Variants in PANK2 observed in about 807,000 individuals in gnomAD.
The protein encoded by PANK2 is pantothenate kinase 2, mitochondrial.
In PANK2, 36 loss-of-function variants were observed where a neutral mutation model predicts 43.1. The ratio of observed to expected loss-of-function variants is 0.84; its 90% confidence interval spans 0.64 to 1.10. The LOEUF (loss-of-function observed/expected upper bound fraction) is 1.10, where lower values mean the gene tolerates loss of function less well. Among genes scored for constraint, PANK2 ranks in the 50% least tolerant of loss-of-function variants. PANK2 has a pLI of 0.00. For synonymous variants in PANK2, 281 were observed against 238.2 expected (o/e 1.18, Z -1.66); for missense variants, 576 against 593.3 (o/e 0.97, Z 0.30).
chr20:3,922,146 C>T (rs1476406875), intron 6 of PANK2, among the ~76,000 whole-genome samples: 1 of 152,202 alleles, frequency 6.6e-6, no homozygotes, highest in East Asian at 1.9e-4. Flanking sequence ...TTTAAAAAAT[C>T]CATACACAAG....
chr20:3,889,236 G>T, upstream of PANK2: 4 of 1,613,276 alleles, frequency 2.5e-6, no homozygotes, highest in Non-Finnish European at 3.4e-6. Flanking sequence ...GCCCCGTCAC[G>T]ATAGCCTCTC....
At chr20:3,894,866 G>C (rs1206815240) in intron 1 of PANK2, among the ~76,000 whole-genome samples, 2 of 152,194 alleles carry the variant, frequency 1.3e-5, no homozygotes, top group Non-Finnish European at 2.9e-5. Flanking sequence ...AAATGGTACA[G>C]TATATTACTT....
At chr20:3,902,300 G>A (rs1331020255) in intron 1 of PANK2, among the ~76,000 whole-genome samples, 1 of 151,558 alleles carries the variant, frequency 6.6e-6, no homozygotes, top group Non-Finnish European at 1.5e-5. Context: ...TCAAGTAGCT[G>A]TGACTACAGG....
chr20:3,923,159 T>G, intron 6 of PANK2, 85 bp from the exon 7 acceptor site: 1 of 1,477,026 alleles, frequency 6.8e-7, no homozygotes, highest in Non-Finnish European at 9.5e-7. Context: ...GGGCAGTGGT[T>G]GGCTTTAACA....
intron 3 of PANK2, among the ~76,000 whole-genome samples, chr20:3,911,838 C>G (rs192836396): frequency 3.6e-4 from 55 of 151,732 alleles, no homozygotes; most frequent in Middle Eastern, 3.4e-3. Context: ...TGCGGTGAGC[C>G]GAGATCGTGC....
intron 1 of PANK2, among the ~76,000 whole-genome samples, chr20:3,905,346 ATC>A (rs1057086543): frequency 3.5e-5 from 5 of 144,012 alleles, no homozygotes; most frequent in South Asian, 2.2e-4. Flanking sequence ...TGCTGCTGCT[ATC>A]TCTTTTTTTT....
Position 3,889,443 on chromosome 20 carries a change from C to G in PANK2, c.13C>G (p.Leu5Val). The G allele has an allele frequency of 1.9e-6, 3 of 1,555,696 alleles. No individual in the cohort carries two copies. Among genetic ancestry groups the G allele is most frequent in the Middle Eastern group, 3.4e-4 (2 of 5,916 alleles). Reference sequence around the variant, plus strand: ...AAGGAATCCGACGCTGGGGGGCTTGCTCGGGCGGCAGCGACTGCTGCTGCG... The same window carrying G: ...AAGGAATCCGACGCTGGGGGGCTTGGTCGGGCGGCAGCGACTGCTGCTGCG... The change falls in exon 1 of 7, where the codon CTC (leucine) becomes GTC (valine). Residue 5 changes from leucine (L) to valine (V), a missense_variant. Leu to Val is a conservative substitution (Grantham distance 32). Transcript: ENST00000610179.
chr20:3,895,369 A>G (rs940726106), intron 1 of PANK2, among the ~76,000 whole-genome samples: 6 of 151,940 alleles, frequency 3.9e-5, no homozygotes, highest in African/African-American at 1.4e-4. Flanking sequence ...GGAGGCTGAG[A>G]CAGGAGGATT....
chr20:3,910,447 A>G (rs1271476755), intron 2 of PANK2, 130 bp from the exon 3 acceptor site: 1 of 1,047,664 alleles, frequency 9.5e-7, no homozygotes, highest in Non-Finnish European at 1.5e-6. Context: ...TCTGTAAAGC[A>G]TGCACAAATA....
intron 1 of PANK2, among the ~76,000 whole-genome samples, chr20:3,904,135 T>C (rs1017722242): frequency 2.0e-5 from 3 of 151,946 alleles, no homozygotes; most frequent in Non-Finnish European, 2.9e-5. Context: ...TGGAATAATA[T>C]AGTATGTAGC....
chr20:3,893,038 T>C lies in PANK2; in HGVS notation c.298+3310T>C, dbSNP rs140272955. On this transcript the variant is annotated intron_variant, in intron 1 of 6. Coordinates refer to ENST00000610179, the MANE Select transcript of PANK2 (RefSeq NM_001386393.1). ...AAGACGCTAATGATGGTAATGTAGC[T>C]ACCATTTTCTGAGTGCTTATTTGTC... 1.6e-3 allele frequency among the ~76,000 whole-genome samples: 241 copies of C among 152,342 alleles called. 1 individual carries two copies. The highest frequency in any genetic ancestry group is 5.3e-3 in the African/African-American group (221 of 41,590).
At chr20:3,901,547 GAC>G in intron 1 of PANK2, 5 of 922,174 alleles carry the variant, frequency 5.4e-6, no homozygotes, top group Non-Finnish European at 6.5e-6. Flanking sequence ...TTTCCAACAA[GAC>G]AGAACTGCTG....
chr20:3,899,471 G>GT lies in PANK2; in HGVS notation c.299-8441dup, dbSNP rs570331404. Among the ~76,000 whole-genome samples, 701 of 146,434 alleles carry GT rather than the reference G, an allele frequency of 4.8e-3. 6 individuals carry two copies. The highest frequency in any genetic ancestry group is 0.011 in the African/African-American group (454 of 39,840). ...CAGATGTGAGCCATTACATCCGGCTGTTTTTTTTTTTTTTCCCCAGAGTTC... is the reference window on the plus strand; with the variant it reads ...CAGATGTGAGCCATTACATCCGGCTGTTTTTTTTTTTTTTTCCCCAGAGTTC... On this transcript the variant is annotated intron_variant, in intron 1 of 6. Transcript: ENST00000610179.
At chr20:3,909,960 T>G (rs2146864582) in intron 2 of PANK2, among the ~76,000 whole-genome samples, 1 of 152,364 alleles carries the variant, frequency 6.6e-6, no homozygotes, top group Non-Finnish European at 1.5e-5. Flanking sequence ...ATTCCTTTAT[T>G]ATTTAAATGG....
At chr20:3,914,080 C>CAT (rs1568578304) in intron 4 of PANK2, among the ~76,000 whole-genome samples, 2 of 150,846 alleles carry the variant, frequency 1.3e-5, no homozygotes, top group Non-Finnish European at 3.0e-5. Flanking sequence ...TGAGCCACTG[C>CAT]GCCTGGCCTG....
intron 1 of PANK2, among the ~76,000 whole-genome samples, chr20:3,890,197 C>T (rs554667293): frequency 1.7e-4 from 26 of 152,128 alleles, no homozygotes; most frequent in Non-Finnish European, 3.5e-4. Flanking sequence ...GTGAACTGCC[C>T]CTTGAGTTGC....
chr20:3,907,778 C>A, intron 1 of PANK2, 148 bp from the exon 2 acceptor site: 1 of 677,926 alleles, frequency 1.5e-6, no homozygotes, highest in South Asian at 1.9e-5. Context: ...TAAATCAAGA[C>A]AGAATCACAT....
At chr20:3,892,966 G>A (rs1218700336) in intron 1 of PANK2, among the ~76,000 whole-genome samples, 1 of 152,094 alleles carries the variant, frequency 6.6e-6, no homozygotes, top group Non-Finnish European at 1.5e-5. Context: ...GTCTCGCAGG[G>A]CTGAAAGAAA....
At chr20:3,918,877 G>T (rs2090605086) in intron 6 of PANK2, 81 bp downstream of exon 6, 2 of 1,605,714 alleles carry the variant, frequency 1.2e-6, no homozygotes, top group South Asian at 2.2e-5. Flanking sequence ...GAGGTAGAGG[G>T]TGGAGGTGAA....
Sources: allele counts gnomAD v4.1 joint callset (sites outside exome capture counted in the v4.1 genomes callset), GRCh38; gene constraint gnomAD v4.1.1; transcripts MANE v1.5; gene names NCBI Gene and HGNC (gene_info 2026-07-23, HGNC 2026-07-21).